PHACTR3: variants seen among roughly 807,000 people sequenced by gnomAD.
PHACTR3 encodes protein phosphatase 1, regulatory subunit 123.
PHACTR3 carries 16 observed loss-of-function variants against 66.8 expected under a neutral mutation model. That is an observed-to-expected ratio of 0.24 (90% CI 0.16 to 0.36). The LOEUF is 0.36. PHACTR3 is among the 10% of genes least tolerant of loss of function. The probability of loss-of-function intolerance (pLI) is 1.00; values close to 1 mark genes in which losing one functional copy is unlikely to be tolerated. For missense variants in PHACTR3, 647 were observed against 719.9 expected, an observed-to-expected ratio of 0.90 and a Z score of 1.16; for synonymous variants, 323 against 292.1, an observed-to-expected ratio of 1.11 and a Z score of -1.08.
Position 59,767,384 on chromosome 20 carries a change from A to G in PHACTR3, c.740A>G (p.Lys247Arg). The change falls in exon 5 of 13, where the codon AAA becomes AGA. Residue 247 changes from lysine (K) to arginine (R), a missense_variant. Transcript: ENST00000371015. ...CCCAAGGCAAGCTCCAAAACCACAA[A>G]AAATGTCACAGGTGGGTCCACATGC... ...PPPKASSKTT[K>R]NVTGQATLFQ... 1 of 1,613,658 alleles carries G rather than the reference A, an allele frequency of 6.2e-7. No homozygotes were observed. The highest frequency in any genetic ancestry group is 8.5e-7 in the Non-Finnish European group (1 of 1,180,006).
chr20:59,813,023 G>A (rs2041783608), intron 8 of PHACTR3, among the ~76,000 whole-genome samples: 1 of 152,214 alleles, frequency 6.6e-6, no homozygotes, highest in South Asian at 2.1e-4. Flanking sequence ...TTGTGGACAG[G>A]GCCGGGAAGC....
chr20:59,645,480 G>T (rs2035251899), intron 1 of PHACTR3, among the ~76,000 whole-genome samples: 1 of 152,072 alleles, frequency 6.6e-6, no homozygotes, highest in South Asian at 2.1e-4. Context: ...TCACGTGTGT[G>T]TCCGCCCCAC....
intron 1 of PHACTR3, among the ~76,000 whole-genome samples, chr20:59,663,049 C>T (rs1380151142): frequency 1.3e-5 from 2 of 152,212 alleles, no homozygotes; most frequent in Non-Finnish European, 2.9e-5. Flanking sequence ...TGCCCCTGGG[C>T]CTCTCTAGCG....
intron 8 of PHACTR3, among the ~76,000 whole-genome samples, chr20:59,831,077 C>T (rs1269479872): frequency 6.6e-6 from 1 of 151,878 alleles, no homozygotes; most frequent in African/African-American, 2.4e-5. Flanking sequence ...CAGCACAGGG[C>T]CAGGTGTGTC....
At chr20:59,617,968 G>A (rs780956461) in intron 1 of PHACTR3, among the ~76,000 whole-genome samples, 22 of 152,206 alleles carry the variant, frequency 1.4e-4, no homozygotes, top group African/African-American at 3.1e-4. Flanking sequence ...GCTCATAGGC[G>A]AATGCCCCAT....
chr20:59,580,600 G>A (rs1371002416), intron 1 of PHACTR3, among the ~76,000 whole-genome samples: 1 of 151,892 alleles, frequency 6.6e-6, no homozygotes, highest in Non-Finnish European at 1.5e-5. Flanking sequence ...TTTGTTTGAA[G>A]GGAAAGGCGT....
chr20:59,687,123 A>G (rs6015549), intron 1 of PHACTR3, among the ~76,000 whole-genome samples: 137,864 of 149,900 alleles, frequency 0.92, 62,914 homozygotes, highest in African/African-American at 0.97. Context: ...TGACGGTGAT[A>G]ATGATCATGG....
At position 59,773,324 on chromosome 20, in the gene PHACTR3, C is replaced by A. The variant is rs757785078; in HGVS notation, c.797C>A (p.Pro266His). Reference protein sequence around the residue: ...FQASSMKSADPSLRGQLSTPT... With the variant: ...FQASSMKSADHSLRGQLSTPT... ...GCCTCCAGCATGAAGAGTGCCGACC[C>A]TTCCCTCCGGGGCCAGCTCTCCACA... is the stretch of plus-strand genomic sequence containing the variant. The change falls in exon 6 of 13, where the codon CCT (proline) becomes CAT (histidine). Residue 266 changes from proline (P) to histidine (H), a missense_variant. Pro to His is a moderately conservative substitution (Grantham distance 77). Coordinates refer to ENST00000371015, the MANE Select transcript of PHACTR3 (RefSeq NM_080672.5). 2 of 1,614,190 alleles carry A rather than the reference C, an allele frequency of 1.2e-6. No individual in the cohort carries two copies. Among genetic ancestry groups the A allele is most frequent in the Admixed American group, 3.3e-5 (2 of 60,030 alleles).
At chr20:59,598,818 A>G (rs377577773) in intron 1 of PHACTR3, among the ~76,000 whole-genome samples, 33 of 152,246 alleles carry the variant, frequency 2.2e-4, no homozygotes, top group African/African-American at 7.7e-4. Flanking sequence ...TTGTTTTTCC[A>G]GGTGACCAGC....
At chr20:59,775,148 A>C (rs1484733943) in intron 7 of PHACTR3, among the ~76,000 whole-genome samples, 1 of 126,422 alleles carries the variant, frequency 7.9e-6, no homozygotes, top group Admixed American at 8.7e-5. Context: ...AGAGGCCTGC[A>C]GACCACCCTG....
In PHACTR3 at chr20:59,805,070, G is replaced by A. The variant is rs185757266; in HGVS notation, c.1175-971G>A. Among the ~76,000 whole-genome samples the A allele has an allele frequency of 8.9e-4, 136 of 152,330 alleles. 1 individual carries two copies. The highest frequency in any genetic ancestry group is 1.5e-3 in the Non-Finnish European group (104 of 68,028). On this transcript the variant is annotated intron_variant, in intron 7 of 12. Transcript: ENST00000371015. ...ACTTGCAGGCAGCAGCATCTGCAGTGGCAGGGCAGGTGGGGACTGTGCTGT... is the reference window on the plus strand; with the variant it reads ...ACTTGCAGGCAGCAGCATCTGCAGTAGCAGGGCAGGTGGGGACTGTGCTGT...
intron 8 of PHACTR3, among the ~76,000 whole-genome samples, chr20:59,825,289 T>A (rs4810191): frequency 0.053 from 8,132 of 152,274 alleles, 440 homozygotes; most frequent in East Asian, 0.22. Flanking sequence ...CAAGGTTGCC[T>A]TGTTGCTGTC....
intron 8 of PHACTR3, among the ~76,000 whole-genome samples, chr20:59,816,422 G>A (rs1400249943): frequency 3.9e-5 from 6 of 152,188 alleles, no homozygotes; most frequent in Non-Finnish European, 7.3e-5. Flanking sequence ...TTTCCTTCCT[G>A]TGTGATAGGC....
In PHACTR3 at chr20:59,713,848, C is replaced by G. The variant is rs541430284; in HGVS notation, c.119-29259C>G. Among the ~76,000 whole-genome samples the G allele has an allele frequency of 2.6e-5, 4 of 151,948 alleles. No homozygotes were observed. In the East Asian group the frequency reaches 7.8e-4, roughly 30 times the overall value. ...GAAACAGTATTCCAAAATGTTTGAA[C>G]CACGGTCAACTCCCACAGCAGCATG... On this transcript the variant is annotated intron_variant, in intron 1 of 12. Coordinates refer to ENST00000371015, the MANE Select transcript of PHACTR3 (RefSeq NM_080672.5).
At chr20:59,695,273 G>A (rs957233162) in intron 1 of PHACTR3, among the ~76,000 whole-genome samples, 3 of 152,184 alleles carry the variant, frequency 2.0e-5, no homozygotes, top group Non-Finnish European at 2.9e-5. Context: ...GGCCTGGTGG[G>A]AGGTGATTGG....
At position 59,743,264 on chromosome 20, in the gene PHACTR3, G is replaced by A. The variant is rs376294032; in HGVS notation, c.276G>A (p.Thr92=). Residue 92 remains threonine (T), a synonymous_variant, in exon 2 of 13, where the codon ACG becomes ACA. Coordinates refer to ENST00000371015, the MANE Select transcript of PHACTR3 (RefSeq NM_080672.5). ...KKKNEKLKQT[T]SALEKKMAGR... is the part of the protein sequence containing the mutation. The stretch of plus-strand genomic sequence containing the variant: ...AAAACGAAAAACTGAAGCAGACAAC[G>A]TCAGGTAAAGGCCTGGTGACAGGCG... 22 of 1,613,858 alleles carry A rather than the reference G, an allele frequency of 1.4e-5. No individual in the cohort carries two copies. The highest frequency in any genetic ancestry group is 5.5e-5 in the South Asian group (5 of 91,088).
At chr20:59,765,215 A>G (rs1022905353) in intron 4 of PHACTR3, among the ~76,000 whole-genome samples, 3 of 152,242 alleles carry the variant, frequency 2.0e-5, no homozygotes, top group Non-Finnish European at 4.4e-5. Flanking sequence ...TAGACATTAT[A>G]GGTTACAAGT....
chr20:59,755,867 G>C lies in PHACTR3; in HGVS notation c.541+503G>C, dbSNP rs187096887. Among the ~76,000 whole-genome samples, 187 of 152,332 alleles carry C rather than the reference G, an allele frequency of 1.2e-3. 1 individual carries two copies. The highest frequency in any genetic ancestry group is 1.2e-3 in the Non-Finnish European group (82 of 68,028). On this transcript the variant is annotated intron_variant, in intron 4 of 12. Coordinates refer to ENST00000371015, the MANE Select transcript of PHACTR3 (RefSeq NM_080672.5). The stretch of plus-strand genomic sequence containing the variant: ...GTCGGTGCTGATGCAGTCTCAGCAT[G>C]CTGCAGCCTATGTGGGGCTCTTCCG...
chr20:59,733,442 G>A (rs1200470251), intron 1 of PHACTR3, among the ~76,000 whole-genome samples: 1 of 152,152 alleles, frequency 6.6e-6, no homozygotes, highest in Non-Finnish European at 1.5e-5. Flanking sequence ...CTGGCCACAG[G>A]CAATTGGATT....
Sources: gnomAD v4.1 joint callset for allele counts (sites outside exome capture counted in the v4.1 genomes callset) on GRCh38, gnomAD v4.1.1 for gene constraint, MANE v1.5 for transcripts, NCBI Gene and HGNC (gene_info 2026-07-23, HGNC 2026-07-21) for gene names.